The following COL11A2 variants were observed in gnomAD, a reference collection of about 807,000 sequenced individuals.
COL11A2 encodes the protein collagen type XI alpha 2 chain, also known as collagen alpha-2(XI) chain.
COL11A2 carries 116 observed loss-of-function variants against 273.4 expected under a neutral mutation model. The observed-to-expected ratio is 0.42, with a 90% CI of 0.36 to 0.49. COL11A2 has a LOEUF of 0.49. Ranked by LOEUF, COL11A2 falls within the 20% of genes least tolerant of loss-of-function variation. The pLI, the probability that COL11A2 is intolerant of heterozygous loss-of-function variation, is 0.00. For synonymous variants in COL11A2, 782 were observed against 864.2 expected, an observed-to-expected ratio of 0.90 and a Z score of 1.67; for missense variants, 1,866 against 2,309.0, an observed-to-expected ratio of 0.81 and a Z score of 3.93.
rs1383896206 is a variant in COL11A2 at position 33,176,181 on chromosome 6, G to A, written c.2214+78C>T. 1.2e-5 allele frequency: 19 copies of A among 1,604,710 alleles called. No individual in the cohort carries two copies. In the Admixed American group the frequency reaches 2.7e-4, roughly 23 times the overall value. ...GGCTCGGGAGCTGGACGGCAGTGCG[G>A]GGCAGGCTGGAGGGAAGGCAGTGAA... On this transcript the variant is annotated intron_variant, in intron 28 of 65. Coordinates refer to ENST00000341947, the MANE Select transcript of COL11A2 (RefSeq NM_080680.3). The surrounding 1 kb of genome is among the most constrained non-coding windows in gnomAD (Gnocchi z 4.9).
chr6:33,166,029 C>T lies in COL11A2; in HGVS notation c.4429-45G>A, dbSNP rs1188351609. 6.2e-7 allele frequency: 1 copy of T among 1,613,120 alleles called. No individual in the cohort carries two copies. Among genetic ancestry groups the T allele is most frequent in the Non-Finnish European group, 8.5e-7 (1 of 1,179,404 alleles). The stretch of plus-strand genomic sequence containing the variant: ...GTCATGGAGGGGTCAAGAGGTCAAG[C>T]ATGGATCAAGGTCACAGAAAGATCA... On this transcript the variant is annotated intron_variant, in intron 61 of 65. Transcript: ENST00000341947. The surrounding 1 kb of genome is among the most constrained non-coding windows in gnomAD (Gnocchi z 4.8).
Position 33,179,190 on chromosome 6 carries a change from T to C in COL11A2, c.1557+41A>G. On this transcript the variant is annotated intron_variant, in intron 15 of 65. Coordinates refer to ENST00000341947, the MANE Select transcript of COL11A2 (RefSeq NM_080680.3). The surrounding 1 kb of genome is among the most constrained non-coding windows in gnomAD (Gnocchi z 6.4). ...GGGAGGGGAGTGAGGGAGACTGAGCTGGTGAACAGATATGGGGGTGCAGTG... is the reference window on the plus strand; with the variant it reads ...GGGAGGGGAGTGAGGGAGACTGAGCCGGTGAACAGATATGGGGGTGCAGTG... 6.2e-7 allele frequency: 1 copy of C among 1,611,780 alleles called. No homozygotes were observed. The highest frequency in any genetic ancestry group is 1.7e-4 in the Middle Eastern group (1 of 6,056).
At chr6:33,184,936 G>T in intron 7 of COL11A2, 56 bp downstream of exon 7, 1 of 1,423,220 alleles carries the variant, frequency 7.0e-7, no homozygotes, top group Non-Finnish European at 9.7e-7. Context: ...GCTGAGGGGA[G>T]TGAGTCACAG....
At chr6:33,180,787 A>G (rs1771630431) in intron 10 of COL11A2, 57 bp from the exon 11 acceptor site, 2 of 1,589,638 alleles carry the variant, frequency 1.3e-6, no homozygotes, top group African/African-American at 2.7e-5. Flanking sequence ...GTGGACACTC[A>G]GCCTGTGGCT....
intron 7 of COL11A2, 106 bp from the exon 8 acceptor site, chr6:33,184,430 G>A (rs759695312): frequency 1.0e-5 from 8 of 770,728 alleles, no homozygotes; most frequent in South Asian, 1.6e-5. Context: ...AGGATTCCAA[G>A]GTTAATCAGA....
chr6:33,173,313 C>T lies in COL11A2; in HGVS notation c.2736+35G>A, dbSNP rs374688708. 6.5e-5 allele frequency: 105 copies of T among 1,608,512 alleles called. No homozygotes were observed. The highest frequency in any genetic ancestry group is 8.8e-5 in the Non-Finnish European group (104 of 1,178,640). On this transcript the variant is annotated intron_variant, in intron 37 of 65. Transcript: ENST00000341947. The surrounding 1 kb of genome is among the most constrained non-coding windows in gnomAD (Gnocchi z 6.3). ...TCTGGGGTTAAAGGGTCTGATGGAG[C>T]CCCCTGAGAATGGGTAGCCAGGAGC... is the stretch of plus-strand genomic sequence containing the variant.
At chr6:33,172,176 G>C (rs1770188488) in intron 40 of COL11A2, 73 bp from the exon 41 acceptor site, 2 of 1,599,396 alleles carry the variant, frequency 1.3e-6, no homozygotes, top group East Asian at 2.2e-5. Context: ...GGGAAGACAG[G>C]CTCCAAAAGA....
At chr6:33,180,229 C>A (rs1771537442) in intron 12 of COL11A2, 29 bp downstream of exon 12, 1 of 1,604,270 alleles carries the variant, frequency 6.2e-7, no homozygotes, top group South Asian at 1.1e-5. Flanking sequence ...TCCCCATCAG[C>A]ATGTTCCAAA....
At chr6:33,182,901 C>A (rs924316614) in intron 8 of COL11A2, among the ~76,000 whole-genome samples, 5 of 152,112 alleles carry the variant, frequency 3.3e-5, no homozygotes, top group Admixed American at 1.3e-4. Context: ...CAACTCCCCC[C>A]AACAAAGATC....
chr6:33,186,827 A>G lies in COL11A2; in HGVS notation c.607-9T>C. 2 of 1,613,986 alleles carry G rather than the reference A, an allele frequency of 1.2e-6. No individual in the cohort carries two copies. Among genetic ancestry groups the G allele is most frequent in the South Asian group, 1.1e-5 (1 of 91,084 alleles). The stretch of plus-strand genomic sequence containing the variant: ...AGCTCCTGGACATCACCCTGCAAAG[A>G]CATGAGAGAGATGGAGCGGAGAGAT... On this transcript the variant is annotated splice_polypyrimidine_tract_variant and intron_variant, in intron 4 of 65. Coordinates refer to ENST00000341947, the MANE Select transcript of COL11A2 (RefSeq NM_080680.3).
chr6:33,190,534 G>A lies in COL11A2; in HGVS notation c.83-1065C>T, dbSNP rs938069757. The stretch of plus-strand genomic sequence containing the variant: ...CTCCAGATTGGAAAAATCCCAAAGA[G>A]AGTTCCAGCAAAACTTTCATAGAAG... On this transcript the variant is annotated intron_variant, in intron 1 of 65. Transcript: ENST00000341947. This position sits in a 1 kb window ranked among gnomAD's most constrained non-coding sequence, Gnocchi z 4.5. Among the ~76,000 whole-genome samples, 9 of 151,562 alleles carry A rather than the reference G, an allele frequency of 5.9e-5. No homozygotes were observed. The highest frequency in any genetic ancestry group is 2.2e-4 in the African/African-American group (9 of 41,400).
In COL11A2 at chr6:33,167,564, T is replaced by G. The variant is rs762703466; in HGVS notation, c.4015-31A>C. On this transcript the variant is annotated intron_variant, in intron 55 of 65. Transcript: ENST00000341947. The surrounding 1 kb of genome is among the most constrained non-coding windows in gnomAD (Gnocchi z 6.1). ...ACACACACAAGGAATGTGTCCTGAA[T>G]GGCAGAGGAGTGGGGTGTGGGCAGG... is the stretch of plus-strand genomic sequence containing the variant. The G allele has an allele frequency of 1.2e-6, 2 of 1,609,640 alleles. No individual in the cohort carries two copies. Among genetic ancestry groups the G allele is most frequent in the Non-Finnish European group, 1.7e-6 (2 of 1,177,876 alleles).
At chr6:33,181,215 C>T in intron 8 of COL11A2, 45 bp from the exon 9 acceptor site, 1 of 1,596,302 alleles carries the variant, frequency 6.3e-7, no homozygotes, top group Non-Finnish European at 8.6e-7. Flanking sequence ...CCGTGAGCAG[C>T]CAGGACACTA....
chr6:33,179,761 C>A lies in COL11A2; in HGVS notation c.1404G>T (p.Ala468=), dbSNP rs760246434. The A allele has an allele frequency of 6.2e-7, 1 of 1,612,152 alleles. No homozygotes were observed. Among genetic ancestry groups the A allele is most frequent in the South Asian group, 1.1e-5 (1 of 91,078 alleles). The change falls in exon 13 of 66, where the codon GCG becomes GCT. Residue 468 remains alanine, a synonymous_variant. Coordinates refer to ENST00000341947, the MANE Select transcript of COL11A2 (RefSeq NM_080680.3). The surrounding 1 kb of genome is among the most constrained non-coding windows in gnomAD (Gnocchi z 6.4). ...SGGGDKGPVV[A]AQEAQAQAIL... ...TCGCCTGGGCCTGAGCCTCCTGGGC[C>A]GCCACCACAGGGCCCTTGTCACCCC...
intron 1 of COL11A2, 136 bp downstream of exon 1, chr6:33,192,023 C>T: frequency 2.5e-6 from 2 of 814,658 alleles, no homozygotes; most frequent in Non-Finnish European, 4.2e-6. Context: ...TCCTGCCCTC[C>T]AGCCTGTAGC....
intron 5 of COL11A2, among the ~76,000 whole-genome samples, chr6:33,186,278 T>C (rs1772411067): frequency 6.6e-6 from 1 of 151,958 alleles, no homozygotes; most frequent in South Asian, 2.1e-4. Flanking sequence ...TCCCGACTGC[T>C]TTCTCCTGGC....
At chr6:33,183,067 C>A (rs186802490) in intron 8 of COL11A2, among the ~76,000 whole-genome samples, 2 of 152,024 alleles carry the variant, frequency 1.3e-5, no homozygotes, top group Non-Finnish European at 2.9e-5. Flanking sequence ...GTATGGGATG[C>A]GGCAGCAGGG....
Position 33,165,381 on chromosome 6 carries a change from A to T in COL11A2, c.4750+168T>A, listed in dbSNP as rs1768965042. ...TACACACTGACCCAGATCAGTTGCT[A>T]AAGTATTGGGATACTTCTGACCTGG... On this transcript the variant is annotated intron_variant, in intron 63 of 65. Transcript: ENST00000341947. This position sits in a 1 kb window ranked among gnomAD's most constrained non-coding sequence, Gnocchi z 7.7. 6.6e-6 allele frequency among the ~76,000 whole-genome samples: 1 copy of T among 152,098 alleles called. No homozygotes were observed. Among genetic ancestry groups the T allele is most frequent in the Non-Finnish European group, 1.5e-5 (1 of 68,018 alleles).
Position 33,176,789 on chromosome 6 carries a change from T to G in COL11A2, c.2071-24A>C, listed in dbSNP as rs757495448. On this transcript the variant is annotated intron_variant, in intron 25 of 65. Coordinates refer to ENST00000341947, the MANE Select transcript of COL11A2 (RefSeq NM_080680.3). This position sits in a 1 kb window ranked among gnomAD's most constrained non-coding sequence, Gnocchi z 4.9. Reference sequence around the variant, plus strand: ...CCCTGGGAGTAAGGGATAGAAAATGTGACCAGTGGCCCCTGTCACCCTCTC... The same window carrying G: ...CCCTGGGAGTAAGGGATAGAAAATGGGACCAGTGGCCCCTGTCACCCTCTC... 3.7e-6 allele frequency: 6 copies of G among 1,610,912 alleles called. No homozygotes were observed. In the African/African-American group the frequency reaches 6.7e-5, roughly 18 times the overall value.
Sources: allele counts gnomAD v4.1 joint callset (sites outside exome capture counted in the v4.1 genomes callset), GRCh38; gene constraint gnomAD v4.1.1; non-coding constraint Gnocchi (gnomAD v3.1); transcripts MANE v1.5; gene names NCBI Gene and HGNC (gene_info 2026-07-23, HGNC 2026-07-21).